TXNRD1: variants seen among roughly 807,000 people sequenced by gnomAD.
TXNRD1 encodes the protein thioredoxin reductase 1, also known as thioredoxin reductase 1, cytoplasmic.
TXNRD1 carries 57 observed loss-of-function variants against 80.3 expected under a neutral mutation model. The observed-to-expected ratio is 0.71, with a 90% confidence interval of 0.57 to 0.89. The LOEUF (loss-of-function observed/expected upper bound fraction) is 0.89, where lower values mean the gene tolerates loss of function less well. Among genes scored for constraint, TXNRD1 ranks in the 40% least tolerant of loss-of-function variants. TXNRD1 has a pLI of 0.00. For synonymous variants in TXNRD1, 291 were observed against 285.2 expected (o/e 1.02, Z -0.20); for missense variants, 730 against 803.0 (o/e 0.91, Z 1.10).
chr12:104,281,995 T>C (rs1203259156), intron 3 of TXNRD1, among the ~76,000 whole-genome samples: 1 of 152,182 alleles, frequency 6.6e-6, no homozygotes, highest in African/African-American at 2.4e-5. Context: ...AGGGCTTTAG[T>C]ATGTTGAAGC....
At chr12:104,303,766 C>T in intron 4 of TXNRD1, 12 of 1,173,208 alleles carry the variant, frequency 1.0e-5, no homozygotes, top group South Asian at 3.4e-5. Flanking sequence ...GCTCTAACTG[C>T]CGCCACTTTC....
chr12:104,284,893 C>T (rs772008270), intron 3 of TXNRD1, among the ~76,000 whole-genome samples: 20 of 152,136 alleles, frequency 1.3e-4, no homozygotes, highest in Admixed American at 7.9e-4. Context: ...TGATTTGCTA[C>T]GGCCAGGCAC....
chr12:104,215,838 C>T lies in TXNRD1; in HGVS notation c.36C>T (p.Ala12=), dbSNP rs1275326217. The change falls in exon 1 of 17, where the codon GCC becomes GCT. Residue 12 remains alanine (A), a synonymous_variant. Coordinates refer to ENST00000525566, the MANE Select transcript of TXNRD1 (RefSeq NM_001093771.3). The part of the protein sequence containing the change: ...GCAEGKAVAA[A]APTELQTKGK... The stretch of plus-strand genomic sequence containing the variant: ...CCGAGGGCAAGGCAGTGGCGGCGGC[C>T]GCCCCAACGGAGCTGCAGACGAAAG... The T allele has an allele frequency of 6.4e-7, 1 of 1,561,384 alleles. No homozygotes were observed.
rs777492995 is a variant in TXNRD1, at chr12:104,318,957, A to G, written c.775A>G (p.Ile259Val). ...AATGATAGAAGCTGTACAGAATCAC[A>G]TTGGCTCTTTGAATTGGGGCTACCG... Reference protein sequence around the residue: ...DRMIEAVQNHIGSLNWGYRVA... With the variant: ...DRMIEAVQNHVGSLNWGYRVA... Residue 259 changes from isoleucine to valine, a missense_variant, in exon 8 of 17, where the codon ATT becomes GTT. Coordinates refer to ENST00000525566, the MANE Select transcript of TXNRD1 (RefSeq NM_001093771.3). 1.2e-6 allele frequency: 2 copies of G among 1,613,966 alleles called. No homozygotes were observed. The highest frequency in any genetic ancestry group is 1.7e-6 in the Non-Finnish European group (2 of 1,179,870).
At chr12:104,347,163 C>A (rs1011342948) in intron 16 of TXNRD1, among the ~76,000 whole-genome samples, 1 of 150,388 alleles carries the variant, frequency 6.6e-6, no homozygotes, top group Non-Finnish European at 1.5e-5. Context: ...TGATGAGCCT[C>A]TTTCTTCTTA....
At chr12:104,276,305 G>A (rs1337734754) in intron 3 of TXNRD1, among the ~76,000 whole-genome samples, 2 of 152,220 alleles carry the variant, frequency 1.3e-5, no homozygotes, top group Non-Finnish European at 2.9e-5. Flanking sequence ...TGAGGTTGCA[G>A]TGACATGTAA....
In TXNRD1 at chr12:104,239,355, G is replaced by A. The variant is rs578074159; in HGVS notation, c.92-12172G>A. ...ATTACAGGCGTGTGCCACTACAACC[G>A]GCTAATTTTTTGTCTTTTTAGTAGA... On this transcript the variant is annotated intron_variant, in intron 1 of 16. Coordinates refer to ENST00000525566, the MANE Select transcript of TXNRD1 (RefSeq NM_001093771.3). Among the ~76,000 whole-genome samples, 8 of 151,934 alleles carry A rather than the reference G, an allele frequency of 5.3e-5. No homozygotes were observed. The South Asian group carries it at 6.2e-4, about 12-fold the overall frequency.
At chr12:104,222,530 A>G (rs1049518938) in intron 1 of TXNRD1, among the ~76,000 whole-genome samples, 4 of 152,244 alleles carry the variant, frequency 2.6e-5, no homozygotes, top group African/African-American at 9.6e-5. Context: ...AGTAGTTACA[A>G]AGCTGGTTAA....
intron 4 of TXNRD1, among the ~76,000 whole-genome samples, chr12:104,292,084 TTTAATA>T (rs139083337): frequency 0.013 from 1,945 of 152,298 alleles, 41 homozygotes; most frequent in African/African-American, 0.045. Flanking sequence ...CCTTTCTCCT[TTTAATA>T]TTGTTTCTTC....
At position 104,234,638 on chromosome 12, in the gene TXNRD1, GAA is replaced by G. The variant is rs33956129; in HGVS notation, c.92-16872_92-16871del. Among the ~76,000 whole-genome samples the G allele has an allele frequency of 3.0e-3, 376 of 125,898 alleles. 2 individuals carry two copies. Among genetic ancestry groups the G allele is most frequent in the East Asian group, 0.018 (80 of 4,446 alleles). 82.6% of individuals were successfully genotyped at this position (125,898 alleles called of 152,430 possible). The stretch of plus-strand genomic sequence containing the variant: ...AAAAAATAAACATTTTAAAGTCAGG[GAA>G]AAAAAAAAAAAAAAAAGAAGCCTTC... On this transcript the variant is annotated intron_variant, in intron 1 of 16. Coordinates refer to ENST00000525566, the MANE Select transcript of TXNRD1 (RefSeq NM_001093771.3).
intron 1 of TXNRD1, among the ~76,000 whole-genome samples, chr12:104,233,474 C>A (rs34509047): frequency 0.017 from 2,653 of 152,198 alleles, 49 homozygotes; most frequent in Middle Eastern, 0.024. Flanking sequence ...CTAGAGGAAC[C>A]AGACAGAGAA....
At chr12:104,315,642 A>C (rs566242398) in intron 6 of TXNRD1, 135 bp from the exon 7 acceptor site, 1 of 990,366 alleles carries the variant, frequency 1.0e-6, no homozygotes, top group East Asian at 3.4e-5. Flanking sequence ...AGTTAGGAAT[A>C]AACTTTATTA....
rs371290783 is a variant in TXNRD1 at position 104,246,829 on chromosome 12, G to A, written c.92-4698G>A. Among the ~76,000 whole-genome samples, 51 of 151,826 alleles carry A rather than the reference G, an allele frequency of 3.4e-4. No individual in the cohort carries two copies. The East Asian group carries it at 6.7e-3, about 20-fold the overall frequency. ...AGCCACTGTACCCGGCCACATGATGGCTTTTTAAAAATCATAAATGATTCT... is the reference window on the plus strand; with the variant it reads ...AGCCACTGTACCCGGCCACATGATGACTTTTTAAAAATCATAAATGATTCT... On this transcript the variant is annotated intron_variant, in intron 1 of 16. Coordinates refer to ENST00000525566, the MANE Select transcript of TXNRD1 (RefSeq NM_001093771.3).
chr12:104,329,013 G>A (rs2035864454), intron 13 of TXNRD1, among the ~76,000 whole-genome samples: 1 of 152,068 alleles, frequency 6.6e-6, no homozygotes, highest in Non-Finnish European at 1.5e-5. Context: ...ACAGTAATGG[G>A]AATCTCAAAA....
At chr12:104,259,079 A>G (rs1449146438) in intron 3 of TXNRD1, among the ~76,000 whole-genome samples, 3 of 152,082 alleles carry the variant, frequency 2.0e-5, no homozygotes. Flanking sequence ...CTCAGTCTCC[A>G]AAGGAATACA....
chr12:104,341,522 G>A (rs1236436466), intron 16 of TXNRD1, among the ~76,000 whole-genome samples: 2 of 152,160 alleles, frequency 1.3e-5, no homozygotes, highest in Non-Finnish European at 2.9e-5. Context: ...GCACTGGGGT[G>A]CCACATTTGT....
chr12:104,334,538 A>T (rs185201942), intron 15 of TXNRD1, among the ~76,000 whole-genome samples: 1 of 152,178 alleles, frequency 6.6e-6, no homozygotes, highest in African/African-American at 2.4e-5. Flanking sequence ...TTGCGCCACC[A>T]CACTGGCTAA....
At chr12:104,260,539 G>T (rs1299917255) in intron 3 of TXNRD1, among the ~76,000 whole-genome samples, 2 of 152,014 alleles carry the variant, frequency 1.3e-5, no homozygotes. Context: ...ATAAATACTG[G>T]ATCTATAATT....
intron 3 of TXNRD1, among the ~76,000 whole-genome samples, chr12:104,268,149 C>T (rs1358783578): frequency 6.6e-6 from 1 of 150,638 alleles, no homozygotes; most frequent in Non-Finnish European, 1.5e-5. Context: ...GCCACTTGGA[C>T]CCGGCCCCTT....
Sources: gnomAD v4.1 joint callset for allele counts (sites outside exome capture counted in the v4.1 genomes callset) on GRCh38, gnomAD v4.1.1 for gene constraint, MANE v1.5 for transcripts, NCBI Gene and HGNC (gene_info 2026-07-23, HGNC 2026-07-21) for gene names.